The following TAF4 variants were observed in gnomAD, a reference collection of about 807,000 sequenced individuals.
TAF4 encodes transcription initiation factor TFIID subunit 4.
Under a neutral mutation model 90.3 loss-of-function variants are expected in TAF4, and 9 were observed. That is an observed-to-expected ratio of 0.10 (90% CI 0.06 to 0.17). The LOEUF is 0.17. TAF4 is among the 10% of genes least tolerant of loss of function. TAF4 has a pLI of 1.00. For synonymous variants in TAF4, 818 were observed against 638.9 expected (o/e 1.28, Z -4.23); for missense variants, 1,351 against 1,370.7 (o/e 0.99, Z 0.23).
At chr20:61,981,977 C>CA (rs757587345) in intron 14 of TAF4, among the ~76,000 whole-genome samples, 267 of 121,092 alleles carry the variant, frequency 2.2e-3, no homozygotes, top group East Asian at 0.02. Context: ...ATCAAACCCA[C>CA]ACCCACCCGA....
At chr20:61,999,904 G>A (rs1008566219) in intron 11 of TAF4, among the ~76,000 whole-genome samples, 1 of 152,234 alleles carries the variant, frequency 6.6e-6, no homozygotes, top group Non-Finnish European at 1.5e-5. Context: ...AGCCAAGACT[G>A]CGCCACTGAA....
At chr20:62,047,713 G>A (rs751134889) in intron 1 of TAF4, among the ~76,000 whole-genome samples, 4 of 152,236 alleles carry the variant, frequency 2.6e-5, no homozygotes, top group Admixed American at 1.3e-4. Flanking sequence ...AGAGCGCACC[G>A]TCAAGCCCAG....
chr20:62,005,775 T>G, intron 7 of TAF4: 1 of 152,252 alleles, frequency 6.6e-6, no homozygotes, highest in East Asian at 1.9e-4. Flanking sequence ...CTCACCCAGC[T>G]GGTTCTGATG....
intron 1 of TAF4, among the ~76,000 whole-genome samples, chr20:62,051,047 G>C (rs1013362598): frequency 2.0e-5 from 3 of 152,302 alleles, no homozygotes; most frequent in Middle Eastern, 3.4e-3. Flanking sequence ...CTCTCGAAAA[G>C]TTACAAGGAG....
intron 1 of TAF4, among the ~76,000 whole-genome samples, chr20:62,030,579 C>T (rs868770625): frequency 1.3e-5 from 2 of 152,206 alleles, no homozygotes; most frequent in Non-Finnish European, 1.5e-5. Context: ...AGCCAGAGGA[C>T]GCACTCGCAG....
intron 1 of TAF4, among the ~76,000 whole-genome samples, chr20:62,061,557 G>A (rs754333701): frequency 3.3e-5 from 5 of 152,218 alleles, no homozygotes; most frequent in Non-Finnish European, 7.3e-5. Context: ...CTTTAGAAAT[G>A]AGCTTCTTTA....
chr20:62,051,442 C>T (rs1460321347), intron 1 of TAF4, among the ~76,000 whole-genome samples: 5 of 152,208 alleles, frequency 3.3e-5, no homozygotes, highest in Non-Finnish European at 7.3e-5. Flanking sequence ...GCAATGCTCC[C>T]TCCCCACAGG....
intron 1 of TAF4, 149 bp from the exon 2 acceptor site, chr20:62,014,856 A>C: frequency 1.9e-6 from 2 of 1,080,966 alleles, no homozygotes; most frequent in Non-Finnish European, 2.6e-6. Flanking sequence ...CTCAAAACAC[A>C]CTTGTGAGTC....
rs1478974518 is a variant in TAF4, at chr20:62,010,315, G to A, written c.1642-150C>T. On this transcript the variant is annotated intron_variant, in intron 3 of 14. Transcript: ENST00000252996. This position sits in a 1 kb window ranked among gnomAD's most constrained non-coding sequence, Gnocchi z 4.5. Reference sequence around the variant, plus strand: ...AAGGACCCCGGCCACCTGCCAGCCCGCTGGACACGGGAGTGCTGCTGGGAG... The same window carrying A: ...AAGGACCCCGGCCACCTGCCAGCCCACTGGACACGGGAGTGCTGCTGGGAG... 10 of 1,181,774 alleles carry A rather than the reference G, an allele frequency of 8.5e-6. No individual in the cohort carries two copies. The highest frequency in any genetic ancestry group is 4.6e-5 in the African/African-American group (3 of 65,418). 73.2% of individuals were successfully genotyped at this position (1,181,774 alleles called of 1,614,324 possible). A position where few individuals can be genotyped will look rare whatever the true frequency, so the allele number is the denominator to read the frequency against.
chr20:61,979,775 A>C, intron 14 of TAF4, among the ~76,000 whole-genome samples: 1 of 130,662 alleles, frequency 7.7e-6, no homozygotes, highest in Non-Finnish European at 1.6e-5. Context: ...CGCCGTGGCC[A>C]CTCCAGAGGG....
intron 2 of TAF4, among the ~76,000 whole-genome samples, chr20:62,014,019 G>T (rs866813729): frequency 0.024 from 3,013 of 126,454 alleles, 164 homozygotes; most frequent in African/African-American, 0.11. Context: ...CGGGGGTGTG[G>T]GTGTGTGTGT....
chr20:62,012,545 G>A (rs2055785147), intron 3 of TAF4: 1 of 334,484 alleles, frequency 3.0e-6, no homozygotes, highest in East Asian at 5.4e-5. Flanking sequence ...TAGTTTTAAT[G>A]CTTCCAACAT....
At chr20:62,015,221 C>T (rs542449397) in intron 1 of TAF4, among the ~76,000 whole-genome samples, 1 of 152,344 alleles carries the variant, frequency 6.6e-6, no homozygotes, top group South Asian at 2.1e-4. Context: ...ACCCTCCTCT[C>T]GGGAGGCAGG....
At chr20:62,031,816 C>T (rs2055905903) in intron 1 of TAF4, among the ~76,000 whole-genome samples, 1 of 152,152 alleles carries the variant, frequency 6.6e-6, no homozygotes, top group African/African-American at 2.4e-5. Flanking sequence ...CGCCGGGGTG[C>T]AGGGCATGCA....
chr20:62,042,221 T>C (rs999417067), intron 1 of TAF4, among the ~76,000 whole-genome samples: 45 of 152,300 alleles, frequency 3.0e-4, no homozygotes, highest in African/African-American at 1.0e-3. Flanking sequence ...AGCGTCTGAA[T>C]GTCGAGAGGG....
At chr20:62,043,735 G>GC (rs568053316) in intron 1 of TAF4, among the ~76,000 whole-genome samples, 42 of 152,316 alleles carry the variant, frequency 2.8e-4, no homozygotes, top group African/African-American at 9.1e-4. Context: ...CAGCCCAGGA[G>GC]CCAGGGGCCG....
chr20:62,000,371 G>C, intron 10 of TAF4, 117 bp from the exon 11 acceptor site: 1 of 1,463,610 alleles, frequency 6.8e-7, no homozygotes, highest in Non-Finnish European at 9.2e-7. Flanking sequence ...AGCCCAGAAA[G>C]GCTGGTGGGG....
intron 1 of TAF4, among the ~76,000 whole-genome samples, chr20:62,053,817 CT>C (rs2056045024): frequency 6.6e-6 from 1 of 152,244 alleles, no homozygotes; most frequent in Non-Finnish European, 1.5e-5. Flanking sequence ...ATGACCAAGT[CT>C]TCTCGGCTGA....
intron 1 of TAF4, among the ~76,000 whole-genome samples, chr20:62,016,683 C>T (rs1337213628): frequency 3.9e-5 from 6 of 152,228 alleles, no homozygotes; most frequent in African/African-American, 1.4e-4. Flanking sequence ...TATTGAGGGA[C>T]TTCACCTTGT....
Sources: allele counts gnomAD v4.1 joint callset (sites outside exome capture counted in the v4.1 genomes callset), GRCh38; gene constraint gnomAD v4.1.1; non-coding constraint Gnocchi (gnomAD v3.1); transcripts MANE v1.5; gene names NCBI Gene and HGNC (gene_info 2026-07-23, HGNC 2026-07-21).